The following HNRNPR variants were observed in gnomAD, a reference collection of about 807,000 sequenced individuals.
HNRNPR encodes the protein heterogeneous nuclear ribonucleoprotein R.
In HNRNPR, 4 loss-of-function variants were observed where a neutral mutation model predicts 70.3. The observed-to-expected ratio is 0.06, with a 90% CI of 0.03 to 0.13. The LOEUF (loss-of-function observed/expected upper bound fraction) is 0.13. Among genes scored for constraint, HNRNPR ranks in the 10% least tolerant of loss-of-function variants. HNRNPR has a pLI of 1.00. For missense variants in HNRNPR, 423 were observed against 788.5 expected, an observed-to-expected ratio of 0.54 and a Z score of 5.55; for synonymous variants, 241 against 267.6, an observed-to-expected ratio of 0.90 and a Z score of 0.97.
In HNRNPR at chr1:23,310,418, G is replaced by C. The variant is rs199969932; in HGVS notation, c.*36C>G. On this transcript the variant is annotated 3_prime_UTR_variant, in exon 11 of 11. Coordinates refer to ENST00000302271, the MANE Select transcript of HNRNPR (RefSeq NM_005826.5). The surrounding 1 kb of genome is among the most constrained non-coding windows in gnomAD (Gnocchi z 6.0). Reference sequence around the variant, plus strand: ...GAAGAATGTAGATCTAGAGCCAATCGTATCTTGCCAGTATCATTTTCAAGC... The same window carrying C: ...GAAGAATGTAGATCTAGAGCCAATCCTATCTTGCCAGTATCATTTTCAAGC... The C allele has an allele frequency of 3.8e-4, 584 of 1,520,158 alleles. No individual in the cohort carries two copies. The highest frequency in any genetic ancestry group is 4.5e-4 in the Non-Finnish European group (511 of 1,136,154). 94.2% of individuals were successfully genotyped at this position (1,520,158 alleles called of 1,614,324 possible).
At chr1:23,326,229 T>G (rs1047764835) in intron 5 of HNRNPR, among the ~76,000 whole-genome samples, 1 of 152,058 alleles carries the variant, frequency 6.6e-6, no homozygotes, top group African/African-American at 2.4e-5. Flanking sequence ...GTTATTATTT[T>G]CAACACATCT....
chr1:23,337,900 A>G lies in HNRNPR; in HGVS notation c.277-39T>C, dbSNP rs187720146. On this transcript the variant is annotated intron_variant, in intron 3 of 10. Coordinates refer to ENST00000302271, the MANE Select transcript of HNRNPR (RefSeq NM_005826.5). ...GTAATTCAATAAAAAGAATCACCAA[A>G]AATATCTGAAGGGTCAGATACATAA... 3.8e-4 allele frequency: 461 copies of G among 1,219,844 alleles called. 3 individuals are homozygous for G. The African/African-American group carries it at 5.9e-3, about 16-fold the overall frequency. 75.6% of individuals were successfully genotyped at this position (1,219,844 alleles called of 1,614,324 possible). A position where few individuals can be genotyped will look rare whatever the true frequency, so the allele number is the denominator to read the frequency against.
Position 23,318,680 on chromosome 1 carries a change from C to G in HNRNPR, c.820G>C (p.Val274Leu). ...GGTTGATGATAGAGAATAACGTCCACCAAACCCTCTGTTAAACCAACAGCC... is the reference window on the plus strand; with the variant it reads ...GGTTGATGATAGAGAATAACGTCCAGCAAACCCTCTGTTAAACCAACAGCC... ...EEFSKVTEGL[V>L]DVILYHQPDD... Residue 274 changes from valine to leucine, a missense_variant, in exon 8 of 11, where the codon GTG becomes CTG. Around this residue, in one of 7 missense-constraint regions of HNRNPR, gnomAD observed 118 missense variants for 239.3 expected, o/e 0.49. Coordinates refer to ENST00000302271, the MANE Select transcript of HNRNPR (RefSeq NM_005826.5). The surrounding 1 kb of genome is among the most constrained non-coding windows in gnomAD (Gnocchi z 4.2). 6.2e-7 allele frequency: 1 copy of G among 1,614,140 alleles called. No individual in the cohort carries two copies.
intron 1 of HNRNPR, among the ~76,000 whole-genome samples, chr1:23,343,856 G>A (rs949816698): frequency 4.1e-4 from 62 of 152,262 alleles, no homozygotes; most frequent in African/African-American, 1.4e-3. Context: ...CTCCGGCGGG[G>A]AGAAGCGGCA....
At chr1:23,317,384 G>T (rs1237097319) in intron 8 of HNRNPR, among the ~76,000 whole-genome samples, 1 of 152,018 alleles carries the variant, frequency 6.6e-6, no homozygotes, top group Non-Finnish European at 1.5e-5. Flanking sequence ...CGTGAACCCA[G>T]GAGGCAGAGC....
chr1:23,327,109 A>G (rs1372504562), intron 5 of HNRNPR, among the ~76,000 whole-genome samples: 2 of 152,134 alleles, frequency 1.3e-5, no homozygotes, highest in African/African-American at 4.8e-5. Context: ...ACTTCCATAA[A>G]CAGACATCTC....
In HNRNPR at chr1:23,315,101, G is replaced by A. The variant is rs546841862; in HGVS notation, c.1018-1399C>T. Among the ~76,000 whole-genome samples, 198 of 152,144 alleles carry A rather than the reference G, an allele frequency of 1.3e-3. 3 individuals carry two copies. Among genetic ancestry groups the A allele is most frequent in the African/African-American group, 4.6e-3 (190 of 41,514 alleles). On this transcript the variant is annotated intron_variant, in intron 8 of 10. Coordinates refer to ENST00000302271, the MANE Select transcript of HNRNPR (RefSeq NM_005826.5). ...TCAAGACCAGCCTGGCCAGCATGGT[G>A]AAACCCTGTCTCTACTAAAAATACA...
intron 1 of HNRNPR, among the ~76,000 whole-genome samples, chr1:23,343,853 G>A (rs1460553563): frequency 2.0e-5 from 3 of 152,138 alleles, no homozygotes; most frequent in Non-Finnish European, 2.9e-5. Context: ...CGGCTCCGGC[G>A]GGGAGAAGCG....
chr1:23,340,779 A>G (rs1401157557), intron 2 of HNRNPR, 73 bp downstream of exon 2: 1 of 1,238,296 alleles, frequency 8.1e-7, no homozygotes, highest in Non-Finnish European at 1.1e-6. Flanking sequence ...ATTTAACCTT[A>G]AAAAACTATA....
intron 5 of HNRNPR, among the ~76,000 whole-genome samples, chr1:23,328,943 AC>A (rs969146159): frequency 3.1e-4 from 47 of 152,106 alleles, no homozygotes; most frequent in African/African-American, 1.1e-3. Context: ...ACAAAGCGAG[AC>A]CCTGCCTCTA....
chr1:23,315,776 TAAG>T (rs1645519062), intron 8 of HNRNPR, among the ~76,000 whole-genome samples: 1 of 152,134 alleles, frequency 6.6e-6, no homozygotes, highest in Non-Finnish European at 1.5e-5. Flanking sequence ...GGCTATCTAA[TAAG>T]AAGATACTAA....
intron 5 of HNRNPR, among the ~76,000 whole-genome samples, chr1:23,331,704 T>G (rs949538337): frequency 6.6e-6 from 1 of 151,102 alleles, no homozygotes; most frequent in Non-Finnish European, 1.5e-5. Flanking sequence ...TTTGGTGGCA[T>G]GAGTCCATAG....
chr1:23,315,242 T>C (rs140237037), intron 8 of HNRNPR, among the ~76,000 whole-genome samples: 2,833 of 136,486 alleles, frequency 0.021, 43 homozygotes, highest in Middle Eastern at 0.071. Flanking sequence ...ATTACACCAC[T>C]GCACTCCAGC....
intron 5 of HNRNPR, among the ~76,000 whole-genome samples, chr1:23,326,135 A>G (rs966471317): frequency 1.3e-5 from 2 of 151,970 alleles, no homozygotes; most frequent in Non-Finnish European, 2.9e-5. Flanking sequence ...TTGGCCCTCC[A>G]AAGTACTGGG....
intron 6 of HNRNPR, among the ~76,000 whole-genome samples, 186 bp from the exon 7 acceptor site, chr1:23,321,849 T>C (rs572960203): frequency 1.7e-4 from 26 of 152,326 alleles, no homozygotes; most frequent in Non-Finnish European, 3.5e-4. Context: ...TTGTTTTAGT[T>C]TGGTTTTGTT....
Position 23,305,196 on chromosome 1 carries a change from T to C in HNRNPR, c.*5258A>G, listed in dbSNP as rs1645185688. On this transcript the variant is annotated 3_prime_UTR_variant, in exon 11 of 11. Coordinates refer to ENST00000302271, the MANE Select transcript of HNRNPR (RefSeq NM_005826.5). ...GGCATTGCATTTTCCTTAACTTACA[T>C]AAACTCATCAGAATTACATGAATAT... 2 of 152,182 alleles carry C rather than the reference T, an allele frequency of 1.3e-5. No homozygotes were observed. The highest frequency in any genetic ancestry group is 1.5e-5 in the Non-Finnish European group (1 of 68,020). The allele number at this position is 152,182 out of a possible 1,614,324, so 9.4% of individuals were successfully genotyped here.
chr1:23,333,991 G>A (rs1037660217), intron 4 of HNRNPR, among the ~76,000 whole-genome samples: 2 of 151,964 alleles, frequency 1.3e-5, no homozygotes, highest in Non-Finnish European at 2.9e-5. Context: ...TCGGCTCACT[G>A]CAACCTCTGC....
Position 23,323,627 on chromosome 1 carries a change from A to C in HNRNPR, c.604T>G (p.Ser202Ala), listed in dbSNP as rs201702161. 2 of 1,614,152 alleles carry C rather than the reference A, an allele frequency of 1.2e-6. No individual in the cohort carries two copies. The highest frequency in any genetic ancestry group is 1.7e-6 in the Non-Finnish European group (2 of 1,180,002). Residue 202 changes from serine (S) to alanine (A), a missense_variant, in exon 6 of 11, where the codon TCC (serine) becomes GCC (alanine). Transcript: ENST00000302271. ...AATGCATACCCTCTATTCTGACCGG[A>C]CAGTGGATCCATCATAAGACGTAGA... Reference protein sequence around the residue: ...WDLRLMMDPLSGQNRGYAFIT... With the variant: ...WDLRLMMDPLAGQNRGYAFIT...
chr1:23,336,556 AGGGAGACTCC>A (rs1244740616), intron 4 of HNRNPR, among the ~76,000 whole-genome samples: 1 of 125,170 alleles, frequency 8.0e-6, no homozygotes, highest in Non-Finnish European at 1.6e-5. Context: ...TGGGCGACAG[AGGGAGACTCC>A]GTCTCAAAAA....
Sources: allele counts gnomAD v4.1 joint callset (sites outside exome capture counted in the v4.1 genomes callset), GRCh38; gene constraint gnomAD v4.1.1; regional missense constraint gnomAD v4.1.1; non-coding constraint Gnocchi (gnomAD v3.1); transcripts MANE v1.5; gene names NCBI Gene and HGNC (gene_info 2026-07-23, HGNC 2026-07-21).